Variants in ZNF469 observed in about 807,000 individuals in gnomAD.
ZNF469 encodes the protein zinc finger protein 469.
Under a neutral mutation model 1.0 loss-of-function variants are expected in ZNF469, and 1 was observed. The observed-to-expected ratio is 1.00, with a 90% CI of 0.35 to 4.73. The LOEUF (loss-of-function observed/expected upper bound fraction) is 4.73. Among genes scored for constraint, ZNF469 ranks in the 30% most tolerant of loss-of-function variants. ZNF469 has a pLI of 0.16. For synonymous variants in ZNF469, 2,703 were observed against 2,363.4 expected (o/e 1.14, Z -4.17); for missense variants, 6,100 against 5,356.3 (o/e 1.14, Z -4.33).
At chr16:88,382,504 C>T (rs2092527818), upstream of ZNF469, among the ~76,000 whole-genome samples, 1 of 152,202 alleles carries the variant, frequency 6.6e-6, no homozygotes, top group African/African-American at 2.4e-5. Context: ...GAAAGCGTGC[C>T]ATGGGGACCT....
At chr16:88,285,266 G>A in the ZNF469 span, among the ~76,000 whole-genome samples, 5 of 152,386 alleles carry the variant, frequency 3.3e-5, no homozygotes, top group Non-Finnish European at 7.3e-5. Flanking sequence ...GCTATTCTGG[G>A]TACATGAGGG....
At chr16:88,263,181 C>G in the ZNF469 span, among the ~76,000 whole-genome samples, 4 of 152,220 alleles carry the variant, frequency 2.6e-5, no homozygotes. Context: ...TACGGAGACT[C>G]AGGTTCCCGG....
chr16:88,277,447 G>T, the ZNF469 span, among the ~76,000 whole-genome samples: 1 of 117,866 alleles, frequency 8.5e-6, no homozygotes, highest in East Asian at 2.5e-4. Context: ...CCACACTGAC[G>T]CTTGGTCAGT....
chr16:88,311,200 C>T, the ZNF469 span, among the ~76,000 whole-genome samples: 1 of 152,186 alleles, frequency 6.6e-6, no homozygotes, highest in East Asian at 1.9e-4. Context: ...GCGAAGTGCC[C>T]ATCTCACCAC....
the ZNF469 span, among the ~76,000 whole-genome samples, chr16:88,282,041 T>C: frequency 6.6e-6 from 1 of 152,358 alleles, no homozygotes; most frequent in East Asian, 1.9e-4. Context: ...TCAGTCATTA[T>C]TGTGCCAGTG....
At chr16:88,227,311 G>A in the ZNF469 span, among the ~76,000 whole-genome samples, 2 of 152,194 alleles carry the variant, frequency 1.3e-5, no homozygotes, top group Non-Finnish European at 2.9e-5. Context: ...AAGCGGGGAA[G>A]GGGGAGGAAG....
chr16:88,102,673 T>G, the ZNF469 span, among the ~76,000 whole-genome samples: 2 of 152,204 alleles, frequency 1.3e-5, no homozygotes, highest in Non-Finnish European at 2.9e-5. Context: ...ACAGCCCTCA[T>G]CGTCCTCCCA....
chr16:88,161,891 T>C, the ZNF469 span, among the ~76,000 whole-genome samples: 1 of 152,208 alleles, frequency 6.6e-6, no homozygotes, highest in East Asian at 1.9e-4. Flanking sequence ...TCTGATGGAG[T>C]CCACATTTTT....
chr16:88,369,540 C>T, the ZNF469 span, among the ~76,000 whole-genome samples: 16 of 152,340 alleles, frequency 1.1e-4, 1 homozygote, highest in South Asian at 1.0e-3. Flanking sequence ...TTGCCCATTG[C>T]TATGTGACCC....
rs958529129 is a variant in ZNF469, at chr16:88,437,261, A to G, written c.9791A>G (p.Lys3264Arg). 1 of 1,548,658 alleles carries G rather than the reference A, an allele frequency of 6.5e-7. No individual in the cohort carries two copies. The highest frequency in any genetic ancestry group is 1.2e-5 in the South Asian group (1 of 83,986). The change falls in exon 3 of 3, where the codon AAA becomes AGA. Residue 3264 changes from lysine (K) to arginine (R), a missense_variant. Coordinates refer to ENST00000565624, the MANE Select transcript of ZNF469 (RefSeq NM_001367624.2). Reference sequence around the variant, plus strand: ...TGGGGGCAAGAGGGAGAAGCCAAGAAAGACAGCCCGGGCGAGAGGGCGAAA... The same window carrying G: ...TGGGGGCAAGAGGGAGAAGCCAAGAGAGACAGCCCGGGCGAGAGGGCGAAA... ...DPWGQEGEAK[K>R]DSPGERAKPR...
the ZNF469 span, among the ~76,000 whole-genome samples, chr16:88,188,865 C>T: frequency 1.5e-4 from 23 of 152,238 alleles, no homozygotes; most frequent in South Asian, 6.2e-4. Context: ...TGCTAGTCCC[C>T]GGTGTGGGCA....
chr16:88,417,541 T>TC (rs1196302620), intron 1 of ZNF469, among the ~76,000 whole-genome samples: 1 of 152,090 alleles, frequency 6.6e-6, no homozygotes, highest in Non-Finnish European at 1.5e-5. Flanking sequence ...CCCAATCCAG[T>TC]CCCCGCAAGC....
Position 88,429,743 on chromosome 16 carries a change from C to T in ZNF469, c.2273C>T (p.Ala758Val), listed in dbSNP as rs1348848876. The change falls in exon 3 of 3, where the codon GCC becomes GTC. Residue 758 changes from alanine (A) to valine (V), a missense_variant. Coordinates refer to ENST00000565624, the MANE Select transcript of ZNF469 (RefSeq NM_001367624.2). ...AHRQFCGLLL[A>V]RAKDGHQRSP... ...CGGCAGTTCTGTGGCCTGCTCCTGG[C>T]CAGGGCCAAGGATGGCCACCAGCGG... The T allele has an allele frequency of 6.5e-7, 1 of 1,544,806 alleles. No homozygotes were observed. Among genetic ancestry groups the T allele is most frequent in the Non-Finnish European group, 8.7e-7 (1 of 1,144,786 alleles).
chr16:88,338,506 C>G, the ZNF469 span, among the ~76,000 whole-genome samples: 2 of 152,140 alleles, frequency 1.3e-5, no homozygotes, highest in African/African-American at 4.8e-5. Flanking sequence ...AGTATTGGGC[C>G]GTCTGTAGAG....
the ZNF469 span, among the ~76,000 whole-genome samples, chr16:88,290,040 A>G: frequency 6.6e-6 from 1 of 152,172 alleles, no homozygotes; most frequent in Non-Finnish European, 1.5e-5. Context: ...CCAAGTCACA[A>G]CTGTGAGCCG....
chr16:88,332,097 A>G, the ZNF469 span, among the ~76,000 whole-genome samples: 1 of 152,218 alleles, frequency 6.6e-6, no homozygotes, highest in South Asian at 2.1e-4. Flanking sequence ...GAGGACAGGC[A>G]TGATGGGACA....
the ZNF469 span, among the ~76,000 whole-genome samples, chr16:88,187,231 G>C: frequency 6.6e-6 from 1 of 152,110 alleles, no homozygotes; most frequent in Non-Finnish European, 1.5e-5. Flanking sequence ...GCCTGGGGTG[G>C]CCTAGGAAAG....
chr16:88,408,053 G>T (rs1905063417), intron 1 of ZNF469, among the ~76,000 whole-genome samples: 1 of 152,248 alleles, frequency 6.6e-6, no homozygotes, highest in South Asian at 2.1e-4. Context: ...GAAGCTCAGA[G>T]CTTAGACTTC....
Position 88,433,903 on chromosome 16 carries a change from G to T in ZNF469, c.6433G>T (p.Gly2145Trp). 1 of 1,549,202 alleles carries T rather than the reference G, an allele frequency of 6.5e-7. No individual in the cohort carries two copies. Residue 2145 changes from glycine (G) to tryptophan (W), a missense_variant, in exon 3 of 3, where the codon GGG (glycine) becomes TGG (tryptophan). By Grantham distance (184) the Gly-to-Trp change is radical (BLOSUM62 -2). Transcript: ENST00000565624. The stretch of plus-strand genomic sequence containing the variant: ...TACCTCGCCTTCCAGGGCCCAAGGT[G>T]GGCTGGGGGGGCAGCTGCCAGCATC... ...PLTSPSRAQGGLGGQLPASPS... is the reference protein window; with the variant it reads ...PLTSPSRAQGWLGGQLPASPS...
Sources: gnomAD v4.1 joint callset for allele counts (sites outside exome capture counted in the v4.1 genomes callset) on GRCh38, gnomAD v4.1.1 for gene constraint, MANE v1.5 for transcripts, NCBI Gene and HGNC (gene_info 2026-07-23, HGNC 2026-07-21) for gene names.